Variants in PHLDB2 observed in about 807,000 individuals in gnomAD.
The protein encoded by PHLDB2 is pleckstrin homology like domain family B member 2.
In PHLDB2, 71 loss-of-function variants were observed where a neutral mutation model predicts 123.6. The observed-to-expected ratio is 0.57, with a 90% CI of 0.47 to 0.70. The LOEUF (loss-of-function observed/expected upper bound fraction) is 0.70. PHLDB2 is among the 30% of genes least tolerant of loss of function. The pLI is 0.00. For synonymous variants in PHLDB2, 547 were observed against 541.6 expected, an observed-to-expected ratio of 1.01 and a Z score of -0.14; for missense variants, 1,446 against 1,519.5, an observed-to-expected ratio of 0.95 and a Z score of 0.80.
chr3:111,877,271 G>A (rs776560544), intron 1 of PHLDB2, among the ~76,000 whole-genome samples: 1 of 152,224 alleles, frequency 6.6e-6, no homozygotes, highest in Non-Finnish European at 1.5e-5. Context: ...TCTAACTGGT[G>A]TGAGATGGTT....
In PHLDB2 at chr3:111,937,831, C is replaced by T. The variant is rs904978655; in HGVS notation, c.2131-1644C>T. 3.4e-5 allele frequency among the ~76,000 whole-genome samples: 5 copies of T among 147,920 alleles called. No individual in the cohort carries two copies. The South Asian group carries it at 6.6e-4, about 19-fold the overall frequency. On this transcript the variant is annotated intron_variant, in intron 6 of 17. Transcript: ENST00000431670. ...AAGAAAAAGAAATTTCCTAAACATA[C>T]GCGATTTATAAATAATGTTAAAGAC...
intron 2 of PHLDB2, among the ~76,000 whole-genome samples, chr3:111,891,815 G>T (rs773392854): frequency 1.3e-5 from 2 of 152,092 alleles, no homozygotes; most frequent in African/African-American, 2.4e-5. Context: ...AGTGATGGCC[G>T]TCTAGAGCTT....
intron 2 of PHLDB2, among the ~76,000 whole-genome samples, chr3:111,852,753 GACACACACAC>G (rs36217120): frequency 0.15 from 22,266 of 150,222 alleles, 1,826 homozygotes; most frequent in Admixed American, 0.18. Flanking sequence ...TAATCTAAAA[GACACACACAC>G]ACACACACAC....
At chr3:111,894,680 T>C (rs926302960) in intron 2 of PHLDB2, among the ~76,000 whole-genome samples, 3 of 151,564 alleles carry the variant, frequency 2.0e-5, no homozygotes, top group Non-Finnish European at 4.4e-5. Flanking sequence ...AGCTTTTTTT[T>C]CGTATGTTTG....
chr3:111,736,347 A>G (rs1375150607), intron 1 of PHLDB2, among the ~76,000 whole-genome samples: 1 of 152,186 alleles, frequency 6.6e-6, no homozygotes, highest in Non-Finnish European at 1.5e-5. Context: ...GTGAAATTTC[A>G]GTCTTTGAAA....
intron 16 of PHLDB2, among the ~76,000 whole-genome samples, chr3:111,971,568 A>C (rs548488036): frequency 6.6e-6 from 1 of 152,232 alleles, no homozygotes; most frequent in East Asian, 1.9e-4. Context: ...GGCTGGTGAG[A>C]CCTAGTTGGA....
At chr3:111,858,002 A>T (rs2064598668), upstream of PHLDB2, among the ~76,000 whole-genome samples, 1 of 152,206 alleles carries the variant, frequency 6.6e-6, no homozygotes, top group Non-Finnish European at 1.5e-5. Context: ...GACACATACA[A>T]ACGTATGTTT....
intron 1 of PHLDB2, among the ~76,000 whole-genome samples, chr3:111,844,419 G>A (rs1399393181): frequency 6.6e-6 from 1 of 152,090 alleles, no homozygotes; most frequent in African/African-American, 2.4e-5. Flanking sequence ...CGTAGATAAT[G>A]GCACCATCAT....
intron 2 of PHLDB2, among the ~76,000 whole-genome samples, chr3:111,891,345 A>T (rs761624633): frequency 6.6e-6 from 1 of 151,902 alleles, no homozygotes; most frequent in Non-Finnish European, 1.5e-5. Context: ...CTGAGCTCCA[A>T]CTCCTGTCAG....
At chr3:111,861,169 C>T (rs1036300891) in intron 1 of PHLDB2, among the ~76,000 whole-genome samples, 1 of 152,160 alleles carries the variant, frequency 6.6e-6, no homozygotes, top group Admixed American at 6.5e-5. Context: ...TAGAGTTGCC[C>T]ACTATTTTAA....
Position 111,919,180 on chromosome 3 carries a change from G to C in PHLDB2, c.1828G>C (p.Asp610His), listed in dbSNP as rs759163840. 2 of 1,614,132 alleles carry C rather than the reference G, an allele frequency of 1.2e-6. No homozygotes were observed. Among genetic ancestry groups the C allele is most frequent in the South Asian group, 2.2e-5 (2 of 91,078 alleles). Residue 610 changes from aspartate (D) to histidine (H), a missense_variant, in exon 4 of 18, where the codon GAC (aspartate) becomes CAC (histidine). Coordinates refer to ENST00000431670, the MANE Select transcript of PHLDB2 (RefSeq NM_001134438.2). The stretch of plus-strand genomic sequence containing the variant: ...CGAGGAACTTAAGCAAAAAATCAAA[G>C]ACATAAATGATCAGATGGATGAGTC... ...NLEELKQKIK[D>H]INDQMDESFR...
rs2065059955 is a variant in PHLDB2 at position 111,866,027 on chromosome 3, T to TTTTTTTTTTTTG, written c.-15+6452_-15+6463dup. ...CCCCACCCACTCATTTTTTTTTTTT[T>TTTTTTTTTTTTG]TTTTTTTTTTTGGAGACAGAGTTGC... On this transcript the variant is annotated intron_variant, in intron 1 of 17. Coordinates refer to ENST00000431670, the MANE Select transcript of PHLDB2 (RefSeq NM_001134438.2). 1.6e-5 allele frequency among the ~76,000 whole-genome samples: 2 copies of TTTTTTTTTTTTG among 128,458 alleles called. 1 individual carries two copies. Among genetic ancestry groups the TTTTTTTTTTTTG allele is most frequent in the Non-Finnish European group, 3.3e-5 (2 of 60,424 alleles). 84.3% of individuals were successfully genotyped at this position (128,458 alleles called of 152,430 possible).
intron 1 of PHLDB2, among the ~76,000 whole-genome samples, chr3:111,763,955 G>A (rs9838371): frequency 0.5 from 76,416 of 151,978 alleles, 19,825 homozygotes; most frequent in African/African-American, 0.63. Flanking sequence ...CCGAACAGAC[G>A]AAGACAAGCA....
At chr3:111,829,405 TAAA>T (rs71131979) in intron 1 of PHLDB2, among the ~76,000 whole-genome samples, 3 of 136,408 alleles carry the variant, frequency 2.2e-5, no homozygotes, top group African/African-American at 2.7e-5. Flanking sequence ...TTCTTTTGTT[TAAA>T]AAAAAAAAAA....
intron 1 of PHLDB2, among the ~76,000 whole-genome samples, chr3:111,758,029 G>C (rs555987108): frequency 6.6e-6 from 1 of 152,322 alleles, no homozygotes; most frequent in East Asian, 1.9e-4. Flanking sequence ...GTGCCTCCCA[G>C]TTAGGCTGCT....
At chr3:111,786,320 A>G (rs1192488930) in intron 1 of PHLDB2, among the ~76,000 whole-genome samples, 1 of 152,124 alleles carries the variant, frequency 6.6e-6, no homozygotes, top group Non-Finnish European at 1.5e-5. Flanking sequence ...TTCCCCAAAT[A>G]TTTTTCATTC....
intron 1 of PHLDB2, among the ~76,000 whole-genome samples, chr3:111,761,621 C>T (rs2059995887): frequency 6.6e-6 from 1 of 152,190 alleles, no homozygotes; most frequent in Non-Finnish European, 1.5e-5. Context: ...CGTTCTCAAA[C>T]TTCAGCTGCA....
At chr3:111,888,986 A>G (rs1255709923) in intron 2 of PHLDB2, among the ~76,000 whole-genome samples, 2 of 152,230 alleles carry the variant, frequency 1.3e-5, no homozygotes, top group Non-Finnish European at 1.5e-5. Flanking sequence ...ACTTAAAGGT[A>G]TCAGAAATTA....
At chr3:111,748,569 T>C (rs767262149) in intron 1 of PHLDB2, among the ~76,000 whole-genome samples, 9 of 152,164 alleles carry the variant, frequency 5.9e-5, no homozygotes, top group Non-Finnish European at 1.2e-4. Flanking sequence ...TTGCCCAGAC[T>C]GGAGTACAGT....
Sources: gnomAD v4.1 joint callset for allele counts (sites outside exome capture counted in the v4.1 genomes callset) on GRCh38, gnomAD v4.1.1 for gene constraint, MANE v1.5 for transcripts, NCBI Gene and HGNC (gene_info 2026-07-23, HGNC 2026-07-21) for gene names.